Variants in FHIT observed in about 807,000 individuals in gnomAD.
FHIT encodes bis(5'-adenosyl)-triphosphatase.
FHIT carries 19 observed loss-of-function variants against 17.9 expected under a neutral mutation model. The observed-to-expected ratio is 1.06, with a 90% CI of 0.74 to 1.56. The LOEUF is 1.56. Among genes scored for constraint, FHIT ranks in the 40% most tolerant of loss-of-function variants. The probability of loss-of-function intolerance (pLI) is 0.00; values close to 1 mark genes in which losing one functional copy is unlikely to be tolerated. For missense variants in FHIT, 248 were observed against 189.2 expected (o/e 1.31, Z -1.82); for synonymous variants, 81 against 69.7 (o/e 1.16, Z -0.81).
At chr3:60,418,893 A>T (rs898296865) in intron 5 of FHIT, among the ~76,000 whole-genome samples, 1 of 152,164 alleles carries the variant, frequency 6.6e-6, no homozygotes, top group African/African-American at 2.4e-5. Context: ...CCAACTCCAC[A>T]TATGTGCATC....
intron 5 of FHIT, among the ~76,000 whole-genome samples, chr3:60,226,301 T>C (rs1301126399): frequency 1.3e-5 from 2 of 151,886 alleles, no homozygotes; most frequent in East Asian, 3.9e-4. Flanking sequence ...GGAGAAACCC[T>C]GTCTCTACTA....
intron 5 of FHIT, among the ~76,000 whole-genome samples, chr3:60,416,790 A>G (rs1327823430): frequency 6.6e-6 from 1 of 152,162 alleles, no homozygotes; most frequent in Non-Finnish European, 1.5e-5. Flanking sequence ...CTGTAGCGTT[A>G]AAAATCTGAG....
chr3:60,250,815 T>A (rs1225605911), intron 5 of FHIT, among the ~76,000 whole-genome samples: 1 of 152,156 alleles, frequency 6.6e-6, no homozygotes, highest in African/African-American at 2.4e-5. Context: ...TGAGACTTGG[T>A]TTTGCTGCCT....
intron 4 of FHIT, among the ~76,000 whole-genome samples, chr3:60,717,667 A>T (rs1467494002): frequency 6.6e-6 from 1 of 152,186 alleles, no homozygotes; most frequent in South Asian, 2.1e-4. Context: ...GTAGAACTTT[A>T]AGTGTTCTAG....
intron 3 of FHIT, among the ~76,000 whole-genome samples, chr3:61,004,482 A>G (rs1358583507): frequency 6.6e-6 from 1 of 152,248 alleles, no homozygotes; most frequent in Non-Finnish European, 1.5e-5. Context: ...ACCATAAGGG[A>G]CATTCAACAC....
At chr3:60,414,252 G>A (rs1262050735) in intron 5 of FHIT, among the ~76,000 whole-genome samples, 4 of 152,182 alleles carry the variant, frequency 2.6e-5, no homozygotes, top group Non-Finnish European at 5.9e-5. Context: ...CTGGAGTCAG[G>A]CAGATAACTT....
intron 4 of FHIT, among the ~76,000 whole-genome samples, chr3:60,722,298 T>A (rs1403053143): frequency 6.6e-6 from 1 of 152,224 alleles, no homozygotes; most frequent in African/African-American, 2.4e-5. Flanking sequence ...CCCATTTATA[T>A]TGCAGAATGC....
At chr3:61,241,453 G>C (rs1415104034) in intron 1 of FHIT, among the ~76,000 whole-genome samples, 1 of 152,158 alleles carries the variant, frequency 6.6e-6, no homozygotes, top group Non-Finnish European at 1.5e-5. Context: ...CTAAGATGTG[G>C]GAAGAAGACT....
chr3:60,047,143 C>T (rs1215653495), intron 5 of FHIT, among the ~76,000 whole-genome samples: 5 of 152,180 alleles, frequency 3.3e-5, no homozygotes, highest in African/African-American at 4.8e-5. Context: ...TTCCACAAAA[C>T]GTAACAGTCG....
intron 4 of FHIT, among the ~76,000 whole-genome samples, chr3:60,762,271 A>G (rs1699682071): frequency 6.6e-6 from 1 of 152,118 alleles, no homozygotes. Flanking sequence ...CCTTGCATCT[A>G]GGAGTCATCA....
chr3:60,282,707 G>A (rs1707519045), intron 5 of FHIT, among the ~76,000 whole-genome samples: 1 of 152,070 alleles, frequency 6.6e-6, no homozygotes, highest in Non-Finnish European at 1.5e-5. Flanking sequence ...GAAGGAAAAT[G>A]TTATGGTAAG....
chr3:60,500,527 T>C (rs2034480091), intron 5 of FHIT, among the ~76,000 whole-genome samples: 1 of 152,008 alleles, frequency 6.6e-6, no homozygotes, highest in African/African-American at 2.4e-5. Context: ...CCCAGCACTT[T>C]AGGAGGCCAA....
At chr3:60,118,255 C>T (rs1195501988) in intron 5 of FHIT, among the ~76,000 whole-genome samples, 2 of 151,596 alleles carry the variant, frequency 1.3e-5, no homozygotes, top group South Asian at 2.1e-4. Context: ...CAGAGGTGCA[C>T]ACCACCATAT....
intron 4 of FHIT, among the ~76,000 whole-genome samples, chr3:60,571,182 A>G (rs1442670939): frequency 6.6e-6 from 1 of 151,676 alleles, no homozygotes; most frequent in Non-Finnish European, 1.5e-5. Flanking sequence ...CTAAAAATAC[A>G]AAAATTAGCC....
chr3:60,860,463 T>A (rs558120875), intron 3 of FHIT, among the ~76,000 whole-genome samples: 3 of 131,654 alleles, frequency 2.3e-5, no homozygotes, highest in East Asian at 4.4e-4. Context: ...CATATGTACA[T>A]ATATATGTAT....
rs556565202 is a variant in FHIT at position 60,759,103 on chromosome 3, G to A, written c.-18+62816C>T. Among the ~76,000 whole-genome samples the A allele has an allele frequency of 3.3e-5, 5 of 152,188 alleles. No individual in the cohort carries two copies. The South Asian group carries it at 6.2e-4, about 19-fold the overall frequency. On this transcript the variant is annotated intron_variant, in intron 4 of 9. Transcript: ENST00000492590. ...AGCAGAGGAAGTAAGGAGGACATTG[G>A]CAGCCTATGCAATCAGGGAGACGGC... is the stretch of plus-strand genomic sequence containing the variant.
At chr3:59,784,135 C>T (rs1702731429) in intron 8 of FHIT, among the ~76,000 whole-genome samples, 1 of 152,156 alleles carries the variant, frequency 6.6e-6, no homozygotes, top group African/African-American at 2.4e-5. Context: ...GTCTGTGAGT[C>T]ATATCACTCA....
chr3:61,000,418 T>C (rs2030993119), intron 3 of FHIT, among the ~76,000 whole-genome samples: 1 of 152,148 alleles, frequency 6.6e-6, no homozygotes, highest in Non-Finnish European at 1.5e-5. Flanking sequence ...TGGTAAGACA[T>C]TAAAAGGTCA....
intron 5 of FHIT, among the ~76,000 whole-genome samples, chr3:60,391,443 G>C (rs1701229796): frequency 6.6e-6 from 1 of 152,076 alleles, no homozygotes; most frequent in African/African-American, 2.4e-5. Flanking sequence ...AAAGTCTACA[G>C]AGGCATACAG....
Sources: gnomAD v4.1 joint callset for allele counts (sites outside exome capture counted in the v4.1 genomes callset) on GRCh38, gnomAD v4.1.1 for gene constraint, MANE v1.5 for transcripts, NCBI Gene and HGNC (gene_info 2026-07-23, HGNC 2026-07-21) for gene names.